Variants in CUBN observed in about 807,000 individuals in gnomAD.
CUBN encodes 460 kDa receptor.
CUBN carries 282 observed loss-of-function variants against 405.3 expected under a neutral mutation model. The ratio of observed to expected loss-of-function variants is 0.70; its 90% CI spans 0.63 to 0.77. The LOEUF (loss-of-function observed/expected upper bound fraction) is 0.77. CUBN is among the 30% of genes least tolerant of loss of function. CUBN has a pLI of 0.00. For missense variants in CUBN, 4,514 were observed against 4,475.2 expected (o/e 1.01, Z -0.25); for synonymous variants, 1,684 against 1,617.0 (o/e 1.04, Z -0.99).
intron 26 of CUBN, among the ~76,000 whole-genome samples, chr10:17,042,606 T>C (rs1835042943): frequency 6.6e-6 from 1 of 152,126 alleles, no homozygotes. Flanking sequence ...AGTAATAAAA[T>C]TAGATAAATG....
Position 16,947,271 on chromosome 10 carries a change from A to C in CUBN, c.5306T>G (p.Val1769Gly). 2 of 1,614,108 alleles carry C rather than the reference A, an allele frequency of 1.2e-6. No individual in the cohort carries two copies. Among genetic ancestry groups the C allele is most frequent in the Non-Finnish European group, 1.7e-6 (2 of 1,179,958 alleles). Residue 1769 changes from valine to glycine, a missense_variant, in exon 36 of 67, where the codon GTC (valine) becomes GGC (glycine). Coordinates refer to ENST00000377833, the MANE Select transcript of CUBN (RefSeq NM_001081.4). ...CTGGAGCCGGTTGCCAGGGGAACTGACGATGTTCCAGACACATTCCACATT... is the reference window on the plus strand; with the variant it reads ...CTGGAGCCGGTTGCCAGGGGAACTGCCGATGTTCCAGACACATTCCACATT... ...PPNVECVWNIVSSPGNRLQLS... is the reference protein window; with the variant it reads ...PPNVECVWNIGSSPGNRLQLS...
chr10:17,088,953 C>T (rs1456677561), intron 14 of CUBN, among the ~76,000 whole-genome samples: 1 of 152,140 alleles, frequency 6.6e-6, no homozygotes, highest in Non-Finnish European at 1.5e-5. Context: ...CCACATCGGC[C>T]CCCTAACGTT....
chr10:16,989,251 T>C (rs1833511961), intron 29 of CUBN, among the ~76,000 whole-genome samples: 1 of 151,732 alleles, frequency 6.6e-6, no homozygotes, highest in South Asian at 2.1e-4. Flanking sequence ...AAGTTCAAAG[T>C]ATACATAATA....
At chr10:16,989,101 C>T (rs982989772) in intron 29 of CUBN, among the ~76,000 whole-genome samples, 2 of 152,090 alleles carry the variant, frequency 1.3e-5, no homozygotes, top group African/African-American at 4.8e-5. Flanking sequence ...TAAAACAAAG[C>T]AAACAAACAT....
At position 17,115,610 on chromosome 10, in the gene CUBN, C is replaced by T. The variant is rs190045733; in HGVS notation, c.594-13G>A. On this transcript the variant is annotated splice_polypyrimidine_tract_variant and intron_variant, in intron 6 of 66. Coordinates refer to ENST00000377833, the MANE Select transcript of CUBN (RefSeq NM_001081.4). ...TGGGCAGTGACAACTGTTGGTTACA[C>T]AAGAGCACAATGTCAGGGCACGCGC... 33 of 1,614,150 alleles carry T rather than the reference C, an allele frequency of 2.0e-5. No individual in the cohort carries two copies. In the African/African-American group the frequency reaches 3.1e-4, roughly 15 times the overall value.
intron 17 of CUBN, among the ~76,000 whole-genome samples, chr10:17,083,211 TA>T (rs1157242999): frequency 2.0e-5 from 3 of 151,728 alleles, no homozygotes; most frequent in Non-Finnish European, 2.9e-5. Flanking sequence ...ATTTCTGGAT[TA>T]AAAAAAATGC....
rs767186959 is a variant in CUBN, at chr10:16,947,369, T to C, written c.5210-2A>G. 1 of 1,613,906 alleles carries C rather than the reference T, an allele frequency of 6.2e-7. No homozygotes were observed. The highest frequency in any genetic ancestry group is 8.5e-7 in the Non-Finnish European group (1 of 1,179,974). ...CCATGTAGAACGTTCCACCACAAGC[T>C]GGAAGAAAATAGAAATAAAGTGAGT... is the stretch of plus-strand genomic sequence containing the variant. On this transcript the variant is annotated splice_acceptor_variant, in intron 35 of 66. Transcript: ENST00000377833. LOFTEE classifies it high-confidence loss of function.
At chr10:17,116,378 G>C (rs183868772) in intron 6 of CUBN, among the ~76,000 whole-genome samples, 1 of 152,180 alleles carries the variant, frequency 6.6e-6, no homozygotes, top group Non-Finnish European at 1.5e-5. Flanking sequence ...GGGAGGAGGA[G>C]GGTAGAGGAG....
At chr10:16,888,964 CTTA>C (rs1175573097) in intron 55 of CUBN, among the ~76,000 whole-genome samples, 1 of 152,100 alleles carries the variant, frequency 6.6e-6, no homozygotes, top group Non-Finnish European at 1.5e-5. Context: ...TTTAAAATGT[CTTA>C]TTATTAGAAA....
chr10:17,128,120 T>C (rs1402670274), intron 2 of CUBN, among the ~76,000 whole-genome samples, 196 bp from the exon 3 acceptor site: 1 of 152,260 alleles, frequency 6.6e-6, no homozygotes, highest in African/African-American at 2.4e-5. Context: ...CCACTTATCC[T>C]TTTCAGTAAC....
intron 36 of CUBN, among the ~76,000 whole-genome samples, chr10:16,941,183 A>C (rs1310258003): frequency 2.0e-5 from 3 of 152,208 alleles, no homozygotes; most frequent in Non-Finnish European, 4.4e-5. Flanking sequence ...GGAATAGGAA[A>C]GAATTTCCAG....
intron 18 of CUBN, 45 bp downstream of exon 18, chr10:17,071,782 T>G (rs1201930976): frequency 6.3e-7 from 1 of 1,594,942 alleles, no homozygotes; most frequent in African/African-American, 1.3e-5. Context: ...ATTAAAATAT[T>G]ACAATCAGGC....
At position 17,104,579 on chromosome 10, in the gene CUBN, CT is replaced by C; in HGVS notation, c.1256del (p.Lys419SerfsTer19). The C allele has an allele frequency of 6.2e-7, 1 of 1,613,416 alleles. No homozygotes were observed. Among genetic ancestry groups the C allele is most frequent in the Non-Finnish European group, 8.5e-7 (1 of 1,179,878 alleles). On this transcript the variant is annotated frameshift_variant, in exon 12 of 67. Transcript: ENST00000377833. LOFTEE classifies it high-confidence loss of function. ...CIDTVSGYFC[K>X]CDSGWTGVNC... is the part of the protein sequence containing the mutation. ...TGACACCTGTCCAACCTGAGTCACA[CT>C]TACAAAAATAACCAGAGACAGTGTC...
chr10:16,959,437 T>A (rs1456707044), intron 31 of CUBN, among the ~76,000 whole-genome samples: 1 of 152,136 alleles, frequency 6.6e-6, no homozygotes, highest in Non-Finnish European at 1.5e-5. Context: ...AAGACCAGCC[T>A]GACCAGCATG....
intron 17 of CUBN, among the ~76,000 whole-genome samples, chr10:17,077,588 C>T (rs922155725): frequency 6.6e-6 from 1 of 152,186 alleles, no homozygotes; most frequent in Non-Finnish European, 1.5e-5. Context: ...GGCACTTACG[C>T]TTAGTCCATC....
At chr10:16,946,490 CTTTTTTTTT>C (rs775415655) in intron 36 of CUBN, among the ~76,000 whole-genome samples, 1 of 121,074 alleles carries the variant, frequency 8.3e-6, no homozygotes. Context: ...AAAACCATTC[CTTTTTTTTT>C]TTTTTTTTTT....
rs549042507 is a variant in CUBN at position 17,058,317 on chromosome 10, G to A, written c.3139+7191C>T. On this transcript the variant is annotated intron_variant, in intron 22 of 66. Coordinates refer to ENST00000377833, the MANE Select transcript of CUBN (RefSeq NM_001081.4). ...AGAAGTATTCGATAGCTTGAATGGA[G>A]AGGTAGTTAAATGGGTGTACACAAT... Among the ~76,000 whole-genome samples the A allele has an allele frequency of 5.3e-5, 8 of 152,116 alleles. No homozygotes were observed. In the East Asian group the frequency reaches 1.5e-3, roughly 29 times the overall value.
intron 22 of CUBN, among the ~76,000 whole-genome samples, chr10:17,060,611 G>C (rs1835484690): frequency 6.6e-6 from 1 of 152,294 alleles, no homozygotes; most frequent in East Asian, 1.9e-4. Flanking sequence ...GAAAACACTA[G>C]CCAGTAAGAA....
chr10:17,034,733 T>C (rs373777717), intron 27 of CUBN, among the ~76,000 whole-genome samples: 1 of 152,136 alleles, frequency 6.6e-6, no homozygotes, highest in East Asian at 1.9e-4. Flanking sequence ...CTGCAATCTT[T>C]TGTAAAGGAA....
Sources: gnomAD v4.1 joint callset for allele counts (sites outside exome capture counted in the v4.1 genomes callset) on GRCh38, gnomAD v4.1.1 for gene constraint, MANE v1.5 for transcripts, NCBI Gene and HGNC (gene_info 2026-07-23, HGNC 2026-07-21) for gene names.